YPEL1: variants seen among roughly 807,000 people sequenced by gnomAD.
YPEL1 encodes yippee like 1.
YPEL1 carries 7 observed loss-of-function variants against 17.3 expected under a neutral mutation model. The ratio of observed to expected loss-of-function variants is 0.40; its 90% CI spans 0.23 to 0.76. YPEL1 has a LOEUF of 0.76. YPEL1 is among the 30% of genes least tolerant of loss of function. YPEL1 has a pLI of 0.35. For synonymous variants in YPEL1, 59 were observed against 59.6 expected (o/e 0.99, Z 0.05); for missense variants, 91 against 155.5 (o/e 0.59, Z 2.21).
rs1234306058 is a variant in YPEL1 at position 21,698,859 on chromosome 22, C to G, written c.*2270G>C. On this transcript the variant is annotated 3_prime_UTR_variant, in exon 5 of 5. Transcript: ENST00000339468. ...CAGGATGTGCTGGGCCAGCCTAAACCCTCGGGGGAGACTAGCGCAGGGATA... is the reference window on the plus strand; with the variant it reads ...CAGGATGTGCTGGGCCAGCCTAAACGCTCGGGGGAGACTAGCGCAGGGATA... The G allele has an allele frequency of 6.6e-6, 1 of 152,522 alleles. No individual in the cohort carries two copies. The highest frequency in any genetic ancestry group is 1.5e-5 in the Non-Finnish European group (1 of 68,158). 9.4% of individuals were successfully genotyped at this position (152,522 alleles called of 1,614,324 possible). A position where few individuals can be genotyped will look rare whatever the true frequency, so the allele number is the denominator to read the frequency against.
chr22:21,720,967 C>T lies in YPEL1; in HGVS notation c.-164-10059G>A, dbSNP rs1202709492. Among the ~76,000 whole-genome samples, 6 of 150,534 alleles carry T rather than the reference C, an allele frequency of 4.0e-5. No homozygotes were observed. The East Asian group carries it at 1.2e-3, about 30-fold the overall frequency. ...GGGACTACAGGTGCACACCACCACA[C>T]CCAGCTAATTTTTTTGTATTTTTAG... is the stretch of plus-strand genomic sequence containing the variant. On this transcript the variant is annotated intron_variant, in intron 1 of 4. Coordinates refer to ENST00000339468, the MANE Select transcript of YPEL1 (RefSeq NM_013313.5).
Position 21,700,283 on chromosome 22 carries a change from T to G in YPEL1, c.*846A>C, listed in dbSNP as rs113514267. 3.3e-5 allele frequency: 5 copies of G among 152,242 alleles called. No homozygotes were observed. Among genetic ancestry groups the G allele is most frequent in the Non-Finnish European group, 5.9e-5 (4 of 68,046 alleles). 9.4% of individuals were successfully genotyped at this position (152,242 alleles called of 1,614,324 possible). On this transcript the variant is annotated 3_prime_UTR_variant, in exon 5 of 5. Transcript: ENST00000339468. The stretch of plus-strand genomic sequence containing the variant: ...AGACTTGCTATCTAAAGAGACCCTG[T>G]CCCTGTGGTCTTCAGAGACTCAGTC...
In YPEL1 at chr22:21,698,004, C is replaced by G. The variant is rs573099776; in HGVS notation, c.*3125G>C. ...GTATAAAACAATGCCAAACCACATT[C>G]CTACAGCAAATGCACTGTGCCATTT... On this transcript the variant is annotated 3_prime_UTR_variant, in exon 5 of 5. Coordinates refer to ENST00000339468, the MANE Select transcript of YPEL1 (RefSeq NM_013313.5). 5.3e-5 allele frequency: 8 copies of G among 152,336 alleles called. No homozygotes were observed. Among genetic ancestry groups the G allele is most frequent in the African/African-American group, 1.9e-4 (8 of 41,518 alleles). 9.4% of individuals were successfully genotyped at this position (152,336 alleles called of 1,614,324 possible).
chr22:21,728,161 G>A (rs556500989), intron 1 of YPEL1, among the ~76,000 whole-genome samples: 1 of 152,070 alleles, frequency 6.6e-6, no homozygotes, highest in African/African-American at 2.4e-5. Context: ...AGGGATGAGC[G>A]GTGAGAGGTG....
At chr22:21,729,871 A>G (rs1454978681) in intron 1 of YPEL1, among the ~76,000 whole-genome samples, 1 of 152,140 alleles carries the variant, frequency 6.6e-6, no homozygotes, top group South Asian at 2.1e-4. Flanking sequence ...AATAGAGGCT[A>G]GCACGGTGGC....
intron 1 of YPEL1, among the ~76,000 whole-genome samples, chr22:21,719,471 A>G (rs1356625910): frequency 2.6e-5 from 4 of 152,204 alleles, no homozygotes; most frequent in Admixed American, 2.6e-4. Context: ...CAGCTAAGAG[A>G]GAGACAGGAA....
At chr22:21,714,568 C>T (rs774073924) in intron 1 of YPEL1, among the ~76,000 whole-genome samples, 9 of 152,136 alleles carry the variant, frequency 5.9e-5, no homozygotes, top group Non-Finnish European at 1.3e-4. Context: ...GGATGTGTAT[C>T]GGCTCCCAGG....
At chr22:21,723,994 G>A (rs937347018) in intron 1 of YPEL1, among the ~76,000 whole-genome samples, 2 of 152,038 alleles carry the variant, frequency 1.3e-5, no homozygotes, top group Non-Finnish European at 2.9e-5. Context: ...AGCTGCTGTT[G>A]GGTATACACA....
chr22:21,730,139 G>C (rs1197419099), intron 1 of YPEL1, among the ~76,000 whole-genome samples: 1 of 152,036 alleles, frequency 6.6e-6, no homozygotes, highest in African/African-American at 2.4e-5. Context: ...GCAACAGAGC[G>C]AGACTCCTTC....
chr22:21,698,627 G>A lies in YPEL1; in HGVS notation c.*2502C>T, dbSNP rs757559672. The A allele has an allele frequency of 6.6e-6, 1 of 152,380 alleles. No homozygotes were observed. Among genetic ancestry groups the A allele is most frequent in the Non-Finnish European group, 1.5e-5 (1 of 68,046 alleles). The allele number at this position is 152,380 out of a possible 1,614,324, so 9.4% of individuals were successfully genotyped here. On this transcript the variant is annotated 3_prime_UTR_variant, in exon 5 of 5. Coordinates refer to ENST00000339468, the MANE Select transcript of YPEL1 (RefSeq NM_013313.5). ...AAAGGGAAGGGTCAGTTTAAGATAA[G>A]TTTTCAGTGAACTCCTTCTTCCACC...
chr22:21,702,556 C>A (rs140108509), intron 4 of YPEL1, among the ~76,000 whole-genome samples: 2,035 of 152,098 alleles, frequency 0.013, 42 homozygotes, highest in African/African-American at 0.045. Context: ...AATCCCAGCA[C>A]TTTGGGAGGC....
At chr22:21,719,715 T>C (rs1469562337) in intron 1 of YPEL1, among the ~76,000 whole-genome samples, 1 of 151,706 alleles carries the variant, frequency 6.6e-6, no homozygotes, top group Non-Finnish European at 1.5e-5. Context: ...CGAAACCCCG[T>C]CTCTATTGAA....
At position 21,701,053 on chromosome 22, in the gene YPEL1, G is replaced by T; in HGVS notation, c.*76C>A. 2 of 1,360,702 alleles carry T rather than the reference G, an allele frequency of 1.5e-6. No individual in the cohort carries two copies. The highest frequency in any genetic ancestry group is 2.1e-6 in the Non-Finnish European group (2 of 956,568). The allele number at this position is 1,360,702 out of a possible 1,614,324, so 84.3% of individuals were successfully genotyped here. A position where few individuals can be genotyped will look rare whatever the true frequency, so the allele number is the denominator to read the frequency against. ...CAGAGGGCAAGAAAGGCTGTCACCAGATGCTCCTACGTTTCCATTACATTC... is the reference window on the plus strand; with the variant it reads ...CAGAGGGCAAGAAAGGCTGTCACCATATGCTCCTACGTTTCCATTACATTC... On this transcript the variant is annotated 3_prime_UTR_variant, in exon 5 of 5. Transcript: ENST00000339468.
intron 1 of YPEL1, among the ~76,000 whole-genome samples, chr22:21,716,912 T>A (rs932368380): frequency 6.6e-6 from 1 of 152,062 alleles, no homozygotes; most frequent in Non-Finnish European, 1.5e-5. Context: ...TGAGAGTATA[T>A]GTAACCAACA....
intron 1 of YPEL1, among the ~76,000 whole-genome samples, chr22:21,713,828 C>T (rs183767770): frequency 6.6e-6 from 1 of 152,282 alleles, no homozygotes; most frequent in Admixed American, 6.5e-5. Context: ...ACTGATGCTG[C>T]CATCATCAGC....
chr22:21,734,582 A>G (rs2068419138), intron 1 of YPEL1, among the ~76,000 whole-genome samples: 1 of 152,226 alleles, frequency 6.6e-6, no homozygotes, highest in Non-Finnish European at 1.5e-5. Context: ...GTAGGGCCCA[A>G]GAGGAAACAC....
At chr22:21,701,320 A>G in intron 4 of YPEL1, 102 bp from the exon 5 acceptor site, 1 of 840,392 alleles carries the variant, frequency 1.2e-6, no homozygotes, top group Non-Finnish European at 1.9e-6. Flanking sequence ...TATGAACTAT[A>G]TACCCAGATG....
chr22:21,704,923 C>T (rs899969375), intron 2 of YPEL1, among the ~76,000 whole-genome samples: 1 of 152,118 alleles, frequency 6.6e-6, no homozygotes, highest in Non-Finnish European at 1.5e-5. Context: ...TCTCAATCGA[C>T]CTCAAACATA....
In YPEL1 at chr22:21,703,747, C is replaced by T; in HGVS notation, c.161+92G>A. The T allele has an allele frequency of 7.1e-7, 1 of 1,402,538 alleles. No homozygotes were observed. The highest frequency in any genetic ancestry group is 9.8e-7 in the Non-Finnish European group (1 of 1,023,942). 86.9% of individuals were successfully genotyped at this position (1,402,538 alleles called of 1,614,324 possible). ...TGGGTTCTTTCAGGACCCCTAAAGA[C>T]CCAGGTGATTCTACACAGGGCACTG... On this transcript the variant is annotated intron_variant, in intron 3 of 4. Coordinates refer to ENST00000339468, the MANE Select transcript of YPEL1 (RefSeq NM_013313.5). The surrounding 1 kb of genome is among the most constrained non-coding windows in gnomAD (Gnocchi z 6.1).
Sources: allele counts gnomAD v4.1 joint callset (sites outside exome capture counted in the v4.1 genomes callset), GRCh38; gene constraint gnomAD v4.1.1; non-coding constraint Gnocchi (gnomAD v3.1); transcripts MANE v1.5; gene names NCBI Gene and HGNC (gene_info 2026-07-23, HGNC 2026-07-21).